TRAP1: variants seen among roughly 807,000 people sequenced by gnomAD.
TRAP1 encodes heat shock protein 75 kDa, mitochondrial.
A neutral mutation model predicts 89.1 loss-of-function variants in TRAP1; 102 were observed. The ratio of observed to expected loss-of-function variants is 1.15; its 90% CI spans 0.98 to 1.35. The LOEUF (loss-of-function observed/expected upper bound fraction) is 1.35. TRAP1 is among the 40% of genes most tolerant of loss of function. The pLI is 0.00. For missense variants in TRAP1, 1,256 were observed against 945.3 expected, an observed-to-expected ratio of 1.33 and a Z score of -4.31; for synonymous variants, 508 against 388.0, an observed-to-expected ratio of 1.31 and a Z score of -3.64.
chr16:3,668,280 G>A (rs1014441579), intron 11 of TRAP1, among the ~76,000 whole-genome samples: 16 of 151,206 alleles, frequency 1.1e-4, no homozygotes, highest in Non-Finnish European at 2.4e-4. Context: ...GGCTGGTCTC[G>A]AACTCCTGAC....
intron 1 of TRAP1, among the ~76,000 whole-genome samples, chr16:3,716,919 A>C (rs933209650): frequency 2.0e-5 from 3 of 152,184 alleles, no homozygotes; most frequent in African/African-American, 7.2e-5. Context: ...GGCGCCGGGC[A>C]CTGAGCGGGC....
intron 11 of TRAP1, among the ~76,000 whole-genome samples, chr16:3,669,225 C>A (rs898113188): frequency 2.6e-5 from 4 of 152,218 alleles, no homozygotes; most frequent in African/African-American, 9.6e-5. Context: ...CCCACAGGCG[C>A]ACTCGAAGTG....
chr16:3,690,954 T>A lies in TRAP1; in HGVS notation c.120A>T (p.Thr40=). 1 of 1,568,832 alleles carries A rather than the reference T, an allele frequency of 6.4e-7. No homozygotes were observed. The highest frequency in any genetic ancestry group is 8.6e-7 in the Non-Finnish European group (1 of 1,160,398). ...GGTTTCGCCTGGGGCCCAACTGGGC[T>A]GTGGTCCTCCGAGGACACAGAATTG... ...GKPILCPRRT[T]AQLGPRRNPA... Residue 40 remains threonine, a synonymous_variant, in exon 2 of 18, where the codon ACA becomes ACT. Coordinates refer to ENST00000246957, the MANE Select transcript of TRAP1 (RefSeq NM_016292.3).
intron 15 of TRAP1, chr16:3,662,355 T>A: frequency 1.6e-6 from 1 of 616,858 alleles, no homozygotes; most frequent in Non-Finnish European, 2.8e-6. Context: ...ACCACCCTGG[T>A]GCCCCGCTGC....
At chr16:3,711,427 T>A (rs2051529909) in intron 1 of TRAP1, among the ~76,000 whole-genome samples, 1 of 152,046 alleles carries the variant, frequency 6.6e-6, no homozygotes, top group Non-Finnish European at 1.5e-5. Flanking sequence ...GGTGAAACTC[T>A]ACCTCAACTA....
At chr16:3,711,760 G>A (rs1277487377) in intron 1 of TRAP1, among the ~76,000 whole-genome samples, 1 of 152,148 alleles carries the variant, frequency 6.6e-6, no homozygotes, top group Non-Finnish European at 1.5e-5. Flanking sequence ...TAAACTCCCT[G>A]AAATCTATTT....
intron 11 of TRAP1, among the ~76,000 whole-genome samples, chr16:3,668,536 G>A (rs1286188626): frequency 2.0e-5 from 3 of 152,134 alleles, no homozygotes; most frequent in South Asian, 2.1e-4. Context: ...CACAGGATTC[G>A]AGGAAAAACA....
intron 1 of TRAP1, among the ~76,000 whole-genome samples, chr16:3,702,046 A>G (rs895098247): frequency 2.6e-5 from 4 of 152,272 alleles, no homozygotes; most frequent in Admixed American, 6.5e-5. Context: ...TGTCTCTACT[A>G]AAAATACAAA....
intron 6 of TRAP1, among the ~76,000 whole-genome samples, chr16:3,677,203 G>A (rs1385627482): frequency 6.6e-6 from 1 of 152,140 alleles, no homozygotes; most frequent in Non-Finnish European, 1.5e-5. Flanking sequence ...GCTGCATAGT[G>A]TCCACCAGGC....
intron 1 of TRAP1, among the ~76,000 whole-genome samples, chr16:3,705,006 G>C (rs1343293180): frequency 1.3e-5 from 2 of 152,128 alleles, no homozygotes; most frequent in African/African-American, 2.4e-5. Flanking sequence ...ATTCACCCAA[G>C]TGCACAATTC....
intron 5 of TRAP1, among the ~76,000 whole-genome samples, chr16:3,678,951 C>A (rs1567232671): frequency 2.6e-5 from 4 of 152,198 alleles, no homozygotes; most frequent in Admixed American, 2.6e-4. Context: ...AGGGATCAGT[C>A]CCCTCTCACA....
At chr16:3,673,686 C>G (rs949222569) in intron 9 of TRAP1, among the ~76,000 whole-genome samples, 11 of 152,308 alleles carry the variant, frequency 7.2e-5, no homozygotes, top group African/African-American at 2.4e-4. Flanking sequence ...AAGATGGATG[C>G]CAGCTGTGCA....
chr16:3,676,138 C>T lies in TRAP1; in HGVS notation c.712G>A (p.Val238Met). Residue 238 changes from valine to methionine, a missense_variant, in exon 7 of 18, where the codon GTG becomes ATG. Coordinates refer to ENST00000246957, the MANE Select transcript of TRAP1 (RefSeq NM_016292.3). Reference sequence around the variant, plus strand: ...CCCGAAGCTTCGGCGATTTCAAACACTCCAGAACTAAGGCAGGCAAAGAAA... The same window carrying T: ...CCCGAAGCTTCGGCGATTTCAAACATTCCAGAACTAAGGCAGGCAAAGAAA... ...GYQWLSDGSG[V>M]FEIAEASGVR... 1 of 1,613,668 alleles carries T rather than the reference C, an allele frequency of 6.2e-7. No homozygotes were observed. Among genetic ancestry groups the T allele is most frequent in the Non-Finnish European group, 8.5e-7 (1 of 1,179,788 alleles).
At chr16:3,677,993 T>G in intron 5 of TRAP1, 1 of 254,190 alleles carries the variant, frequency 3.9e-6, no homozygotes, top group Non-Finnish European at 7.6e-6. Flanking sequence ...TTGAATAAGC[T>G]CCTTCCATAG....
rs150156224 is a variant in TRAP1 at position 3,675,369 on chromosome 16, G to C, written c.843C>G (p.Val281=). ...TTCCATTCAAGTACAAGGGGAAGCTGACGAAGTTGCTGTACTTCGTTACCA... is the reference window on the plus strand; with the variant it reads ...TTCCATTCAAGTACAAGGGGAAGCTCACGAAGTTGCTGTACTTCGTTACCA... The part of the protein sequence containing the change: ...RDVVTKYSNF[V]SFPLYLNGRR... The change falls in exon 8 of 18, where the codon GTC becomes GTG. Residue 281 remains valine (V), a synonymous_variant. Coordinates refer to ENST00000246957, the MANE Select transcript of TRAP1 (RefSeq NM_016292.3). 1.2e-6 allele frequency: 2 copies of C among 1,614,116 alleles called. No homozygotes were observed. Among genetic ancestry groups the C allele is most frequent in the Non-Finnish European group, 1.7e-6 (2 of 1,179,978 alleles).
intron 3 of TRAP1, among the ~76,000 whole-genome samples, chr16:3,686,499 T>C (rs973473180): frequency 6.6e-6 from 1 of 152,162 alleles, no homozygotes; most frequent in Non-Finnish European, 1.5e-5. Flanking sequence ...AAAATTTTTA[T>C]AGACACAGGG....
At chr16:3,679,827 C>T (rs1424370228) in intron 4 of TRAP1, 37 bp from the exon 5 acceptor site, 2 of 1,605,906 alleles carry the variant, frequency 1.2e-6, no homozygotes, top group South Asian at 2.2e-5. Context: ...AAGCCCCCAG[C>T]ACCTGGGGAG....
intron 15 of TRAP1, 28 bp downstream of exon 15, chr16:3,662,854 T>G: frequency 6.2e-7 from 1 of 1,611,426 alleles, no homozygotes; most frequent in Non-Finnish European, 8.5e-7. Flanking sequence ...TGCGGCCAAG[T>G]GGTGGTCCAT....
At chr16:3,669,223 C>T (rs2050877432) in intron 11 of TRAP1, among the ~76,000 whole-genome samples, 2 of 152,180 alleles carry the variant, frequency 1.3e-5, no homozygotes, top group East Asian at 1.9e-4. Context: ...AACCCACAGG[C>T]GCACTCGAAG....
Sources: gnomAD v4.1 joint callset for allele counts (sites outside exome capture counted in the v4.1 genomes callset) on GRCh38, gnomAD v4.1.1 for gene constraint, MANE v1.5 for transcripts, NCBI Gene and HGNC (gene_info 2026-07-23, HGNC 2026-07-21) for gene names.